Variants in UBE2U observed in about 807,000 individuals in gnomAD.
The protein encoded by UBE2U is ubiquitin conjugating enzyme E2 U, also known as ubiquitin-conjugating enzyme E2 U.
UBE2U carries 39 observed loss-of-function variants against 41.2 expected under a neutral mutation model. That is an observed-to-expected ratio of 0.95 (90% confidence interval 0.73 to 1.24). The LOEUF is 1.24. Among genes scored for constraint, UBE2U ranks in the 50% most tolerant of loss-of-function variants. The pLI is 0.00. For synonymous variants in UBE2U, 107 were observed against 117.8 expected, an observed-to-expected ratio of 0.91 and a Z score of 0.60; for missense variants, 336 against 363.1, an observed-to-expected ratio of 0.93 and a Z score of 0.61.
chr1:64,237,663 A>AAG, intron 7 of UBE2U, among the ~76,000 whole-genome samples: 1 of 152,342 alleles, frequency 6.6e-6, no homozygotes, highest in South Asian at 2.1e-4. Flanking sequence ...GACAAGTGGT[A>AAG]AGAGACAGAT....
At chr1:64,260,041 C>T (rs994783219) in intron 8 of UBE2U, among the ~76,000 whole-genome samples, 1 of 151,312 alleles carries the variant, frequency 6.6e-6, no homozygotes, top group Non-Finnish European at 1.5e-5. Context: ...ACTACAGAGA[C>T]CCACACGGAA....
At chr1:64,260,553 AC>A (rs1645164695) in intron 8 of UBE2U, 49 bp from the exon 9 acceptor site, 2 of 1,406,320 alleles carry the variant, frequency 1.4e-6, no homozygotes, top group Non-Finnish European at 1.9e-6. Flanking sequence ...AAGTAAATAT[AC>A]CCTTACCAAA....
chr1:64,248,471 T>C (rs575451192), intron 8 of UBE2U, among the ~76,000 whole-genome samples: 1 of 152,300 alleles, frequency 6.6e-6, no homozygotes, highest in South Asian at 2.1e-4. Flanking sequence ...TTATTATACA[T>C]GTAAAGCTCC....
At chr1:64,257,990 C>A (rs903703501) in intron 8 of UBE2U, among the ~76,000 whole-genome samples, 1 of 151,904 alleles carries the variant, frequency 6.6e-6, no homozygotes, top group Non-Finnish European at 1.5e-5. Flanking sequence ...ATTTCCATAA[C>A]TATAGCCAAC....
At chr1:64,222,041 G>A (rs953026981) in intron 6 of UBE2U, among the ~76,000 whole-genome samples, 5 of 143,850 alleles carry the variant, frequency 3.5e-5, no homozygotes, top group Non-Finnish European at 6.0e-5. Context: ...GAGCCAAGCC[G>A]AGATGGTGCC....
In UBE2U at chr1:64,203,746, C is replaced by G; in HGVS notation, c.-305C>G. On this transcript the variant is annotated 5_prime_UTR_variant, in exon 1 of 10. Transcript: ENST00000371077. ...TCACGCGCCGACGACATGGGCTTGT[C>G]TCCGTTACTCATCCAAGTTTGTCTT... 3.5e-6 allele frequency: 1 copy of G among 289,106 alleles called. No homozygotes were observed. Among genetic ancestry groups the G allele is most frequent in the Non-Finnish European group, 6.4e-6 (1 of 156,138 alleles). 17.9% of individuals were successfully genotyped at this position (289,106 alleles called of 1,614,324 possible).
chr1:64,208,792 T>A (rs1309230040), intron 3 of UBE2U, among the ~76,000 whole-genome samples: 3 of 152,144 alleles, frequency 2.0e-5, no homozygotes, highest in Non-Finnish European at 4.4e-5. Flanking sequence ...ACCTTTTAGG[T>A]CTAGATCATT....
intron 7 of UBE2U, among the ~76,000 whole-genome samples, chr1:64,239,126 GAAGAAGAAGAAGAAGAAGAAGAAGAAGA>G (rs1644753168): frequency 8.7e-5 from 2 of 22,868 alleles, no homozygotes; most frequent in South Asian, 2.8e-3. Context: ...AGAAGAAGAA[GAAGAAGAAGAAGAAGAAGAAGAAGAAGA>G]AGAAAGAAGA....
intron 9 of UBE2U, among the ~76,000 whole-genome samples, chr1:64,261,556 C>A (rs11588217): frequency 0.17 from 25,261 of 152,114 alleles, 2,422 homozygotes; most frequent in East Asian, 0.41. Flanking sequence ...CTCCAAGTTT[C>A]TTTTCCCTGC....
intron 6 of UBE2U, among the ~76,000 whole-genome samples, chr1:64,225,720 G>A (rs904276123): frequency 2.0e-5 from 3 of 152,324 alleles, no homozygotes; most frequent in African/African-American, 4.8e-5. Context: ...TTACTGATTC[G>A]ATGTGAGTTG....
At chr1:64,207,585 T>TA (rs1184314075) in intron 3 of UBE2U, among the ~76,000 whole-genome samples, 3 of 152,172 alleles carry the variant, frequency 2.0e-5, no homozygotes, top group Admixed American at 1.3e-4. Flanking sequence ...TTCATTATTA[T>TA]AAAAAAACGA....
chr1:64,211,632 G>A (rs922356110), intron 4 of UBE2U, among the ~76,000 whole-genome samples: 2 of 151,214 alleles, frequency 1.3e-5, no homozygotes, highest in African/African-American at 4.9e-5. Context: ...GTAGAGACGG[G>A]GTCTCACTAT....
intron 6 of UBE2U, among the ~76,000 whole-genome samples, chr1:64,226,526 A>G (rs1191053694): frequency 1.3e-5 from 2 of 152,218 alleles, no homozygotes; most frequent in East Asian, 3.9e-4. Context: ...ATTATGCTGC[A>G]ATAAAATTTA....
intron 8 of UBE2U, among the ~76,000 whole-genome samples, chr1:64,248,846 C>G (rs2100495871): frequency 6.6e-6 from 1 of 152,120 alleles, no homozygotes; most frequent in South Asian, 2.1e-4. Flanking sequence ...TTACACAAGC[C>G]TCACAAAGAG....
intron 3 of UBE2U, among the ~76,000 whole-genome samples, chr1:64,207,308 A>G (rs1271454711): frequency 3.3e-5 from 5 of 151,854 alleles, no homozygotes; most frequent in Admixed American, 3.3e-4. Flanking sequence ...GCGCCACCAC[A>G]CCTGGCTAGT....
chr1:64,209,862 C>G (rs1249219094), intron 3 of UBE2U, among the ~76,000 whole-genome samples: 1 of 152,106 alleles, frequency 6.6e-6, no homozygotes, highest in African/African-American at 2.4e-5. Context: ...TGGTAAGAGT[C>G]TTGCTATTAT....
intron 8 of UBE2U, among the ~76,000 whole-genome samples, chr1:64,260,052 A>G (rs750069843): frequency 6.6e-6 from 1 of 151,976 alleles, no homozygotes; most frequent in African/African-American, 2.4e-5. Context: ...CCACACGGAA[A>G]AGGTCATGTG....
At chr1:64,243,363 A>G (rs888283533) in intron 8 of UBE2U, among the ~76,000 whole-genome samples, 10 of 152,180 alleles carry the variant, frequency 6.6e-5, no homozygotes, top group Non-Finnish European at 1.5e-4. Flanking sequence ...AAAAAATCTA[A>G]AGAATGGCAA....
chr1:64,262,212 T>A (rs1478450712), intron 9 of UBE2U, among the ~76,000 whole-genome samples: 1 of 152,252 alleles, frequency 6.6e-6, no homozygotes, highest in Non-Finnish European at 1.5e-5. Flanking sequence ...TTACCTTTTT[T>A]AGGAAACTTT....
Sources: gnomAD v4.1 joint callset for allele counts (sites outside exome capture counted in the v4.1 genomes callset) on GRCh38, gnomAD v4.1.1 for gene constraint, MANE v1.5 for transcripts, NCBI Gene and HGNC (gene_info 2026-07-23, HGNC 2026-07-21) for gene names.